The following MTRES1 variants were observed in gnomAD, a reference collection of about 807,000 sequenced individuals.
MTRES1 encodes the protein mitochondrial transcription rescue factor 1.
In MTRES1, 11 loss-of-function variants were observed where a neutral mutation model predicts 17.4. The observed-to-expected ratio is 0.63, with a 90% confidence interval of 0.40 to 1.05. The LOEUF (loss-of-function observed/expected upper bound fraction) is 1.05. Ranked by LOEUF, MTRES1 falls within the 50% of genes least tolerant of loss-of-function variation. The pLI, the probability that MTRES1 is intolerant of heterozygous loss-of-function variation, is 0.00. For synonymous variants in MTRES1, 94 were observed against 99.6 expected, an observed-to-expected ratio of 0.94 and a Z score of 0.34; for missense variants, 268 against 276.2, an observed-to-expected ratio of 0.97 and a Z score of 0.21.
At chr6:107,030,026 C>T in intron 1 of MTRES1, 1 of 715,472 alleles carries the variant, frequency 1.4e-6, no homozygotes. Context: ...CCCTACTAGA[C>T]TATAAACTCT....
At chr6:107,035,322 C>T (rs781899218) in intron 1 of MTRES1, among the ~76,000 whole-genome samples, 2 of 151,654 alleles carry the variant, frequency 1.3e-5, no homozygotes, top group African/African-American at 2.4e-5. Context: ...TAGCAGAGAC[C>T]GGGTTTCTCC....
At chr6:107,030,361 T>A (rs565403713) in intron 1 of MTRES1, among the ~76,000 whole-genome samples, 1 of 152,262 alleles carries the variant, frequency 6.6e-6, no homozygotes, top group South Asian at 2.1e-4. Context: ...GTGTTGCAGG[T>A]CCCCAGGTTC....
intron 1 of MTRES1, among the ~76,000 whole-genome samples, chr6:107,031,385 C>CAAAAAAAAAAAA (rs782379041): frequency 1.0e-5 from 1 of 97,630 alleles, no homozygotes; most frequent in African/African-American, 4.1e-5. Context: ...GACCCTGTCT[C>CAAAAAAAAAAAA]AAAAAAAAAA....
At chr6:107,046,057 C>T (rs1774379133) in intron 3 of MTRES1, among the ~76,000 whole-genome samples, 1 of 152,170 alleles carries the variant, frequency 6.6e-6, no homozygotes, top group South Asian at 2.1e-4. Context: ...GTCTCAGCCC[C>T]CAAGTCCCAG....
At chr6:107,035,761 G>A (rs1273909223) in intron 1 of MTRES1, among the ~76,000 whole-genome samples, 2 of 151,974 alleles carry the variant, frequency 1.3e-5, no homozygotes, top group Non-Finnish European at 2.9e-5. Context: ...CGATTCTCCT[G>A]CCTCAGCCTC....
chr6:107,028,877 C>T, intron 1 of MTRES1: 2 of 985,320 alleles, frequency 2.0e-6, no homozygotes, highest in South Asian at 4.7e-5. Flanking sequence ...TCTCTCCACT[C>T]ATCCCACACC....
intron 1 of MTRES1, among the ~76,000 whole-genome samples, chr6:107,039,480 C>T (rs774870697): frequency 4.6e-5 from 7 of 151,916 alleles, no homozygotes; most frequent in East Asian, 1.9e-4. Context: ...CCACCACACC[C>T]GGCTAATTTT....
Position 107,039,956 on chromosome 6 carries a change from A to G in MTRES1, c.196A>G (p.Arg66Gly), listed in dbSNP as rs782601244. The part of the protein sequence containing the change: ...KTLFYNIFSL[R>G]LPGLLLSPEC... The stretch of plus-strand genomic sequence containing the variant: ...ACTTTTTTATAATATTTTCTCACTG[A>G]GACTCCCAGGGCTTTTACTATCTCC... The change falls in exon 2 of 4, where the codon AGA becomes GGA. Residue 66 changes from arginine (R) to glycine (G), a missense_variant. Physicochemically the swap from Arg to Gly is moderately radical, Grantham distance 125 (BLOSUM62 -2). Coordinates refer to ENST00000311381, the MANE Select transcript of MTRES1 (RefSeq NM_016487.5). The G allele has an allele frequency of 2.5e-6, 4 of 1,613,978 alleles. No homozygotes were observed. The highest frequency in any genetic ancestry group is 3.4e-6 in the Non-Finnish European group (4 of 1,179,836).
chr6:107,048,151 T>C (rs1774453263), intron 3 of MTRES1, among the ~76,000 whole-genome samples: 2 of 152,124 alleles, frequency 1.3e-5, no homozygotes, highest in Non-Finnish European at 2.9e-5. Flanking sequence ...ATTTCTTTTT[T>C]TTGAGACAGC....
At chr6:107,030,949 T>C (rs1204018906) in intron 1 of MTRES1, among the ~76,000 whole-genome samples, 1 of 152,182 alleles carries the variant, frequency 6.6e-6, no homozygotes, top group Non-Finnish European at 1.5e-5. Flanking sequence ...AGGTGGTATT[T>C]AAAGCCACAG....
At chr6:107,049,386 C>T (rs1292320560) in intron 3 of MTRES1, among the ~76,000 whole-genome samples, 1 of 149,152 alleles carries the variant, frequency 6.7e-6, no homozygotes, top group Non-Finnish European at 1.5e-5. Flanking sequence ...CAGCATGTGG[C>T]TCCTGGGTCT....
chr6:107,031,074 C>T (rs537080273), intron 1 of MTRES1, among the ~76,000 whole-genome samples: 1 of 152,170 alleles, frequency 6.6e-6, no homozygotes, highest in East Asian at 1.9e-4. Flanking sequence ...CCCTGGGCCG[C>T]TCCAACTTTA....
intron 2 of MTRES1, among the ~76,000 whole-genome samples, chr6:107,041,101 C>T (rs1774194824): frequency 6.6e-6 from 1 of 150,808 alleles, no homozygotes; most frequent in Admixed American, 6.6e-5. Context: ...TGGCAGGCGC[C>T]TGTAGTCCCA....
intron 3 of MTRES1, among the ~76,000 whole-genome samples, chr6:107,048,224 T>A (rs1267677853): frequency 3.3e-5 from 5 of 152,000 alleles, no homozygotes; most frequent in African/African-American, 9.7e-5. Context: ...AACCTCTGCC[T>A]CCCAGGTTCA....
chr6:107,029,189 C>CCATTTTTTTTT (rs1773742045), intron 1 of MTRES1, among the ~76,000 whole-genome samples: 1 of 101,508 alleles, frequency 9.9e-6, no homozygotes, highest in African/African-American at 4.5e-5. Context: ...CCACACCCGG[C>CCATTTTTTTTT]TATTTTTTTT....
At chr6:107,028,752 G>C in intron 1 of MTRES1, 1 of 306,400 alleles carries the variant, frequency 3.3e-6, no homozygotes, top group Non-Finnish European at 4.7e-6. Context: ...GCAGGTCAAA[G>C]TCAGCGCTGC....
At position 107,039,773 on chromosome 6, in the gene MTRES1, A is replaced by G. The variant is rs1554227366; in HGVS notation, c.13A>G (p.Ser5Gly). MAMA[S>G]VKLLAGVLRK... Reference sequence around the variant, plus strand: ...GATTATAAGCGCCATGGCTATGGCTAGTGTTAAATTGCTTGCCGGTGTTTT... The same window carrying G: ...GATTATAAGCGCCATGGCTATGGCTGGTGTTAAATTGCTTGCCGGTGTTTT... The change falls in exon 2 of 4, where the codon AGT becomes GGT. Residue 5 changes from serine to glycine, a missense_variant. Coordinates refer to ENST00000311381, the MANE Select transcript of MTRES1 (RefSeq NM_016487.5). The G allele has an allele frequency of 1.9e-5, 31 of 1,603,702 alleles. No homozygotes were observed. The highest frequency in any genetic ancestry group is 2.5e-5 in the Non-Finnish European group (30 of 1,177,518).
intron 3 of MTRES1, among the ~76,000 whole-genome samples, chr6:107,044,618 A>C (rs1032397973): frequency 5.3e-5 from 8 of 152,184 alleles, no homozygotes; most frequent in African/African-American, 9.7e-5. Context: ...CCAGGTCATT[A>C]ATGTTAGCCC....
chr6:107,042,286 G>T (rs1411482168), intron 2 of MTRES1, among the ~76,000 whole-genome samples: 1 of 140,866 alleles, frequency 7.1e-6, no homozygotes, highest in African/African-American at 2.7e-5. Context: ...CTTGCAGTGA[G>T]CTGAGATCGC....
Sources: gnomAD v4.1 joint callset for allele counts (sites outside exome capture counted in the v4.1 genomes callset) on GRCh38, gnomAD v4.1.1 for gene constraint, MANE v1.5 for transcripts, NCBI Gene and HGNC (gene_info 2026-07-23, HGNC 2026-07-21) for gene names.